Variants in TBC1D14 observed in about 807,000 individuals in gnomAD.
TBC1D14 encodes TBC1 domain family, member 14.
A neutral mutation model predicts 79.0 loss-of-function variants in TBC1D14; 26 were observed. That is an observed-to-expected ratio of 0.33 (90% confidence interval 0.24 to 0.46). TBC1D14 has a LOEUF of 0.46. Among genes scored for constraint, TBC1D14 ranks in the 20% least tolerant of loss-of-function variants. The pLI, the probability that TBC1D14 is intolerant of heterozygous loss-of-function variation, is 1.00. For synonymous variants in TBC1D14, 394 were observed against 349.9 expected (o/e 1.13, Z -1.40); for missense variants, 769 against 887.6 (o/e 0.87, Z 1.70).
At chr4:6,970,135 A>G (rs1716096876) in intron 3 of TBC1D14, among the ~76,000 whole-genome samples, 1 of 152,216 alleles carries the variant, frequency 6.6e-6, no homozygotes, top group African/African-American at 2.4e-5. Context: ...AACTCCAGTC[A>G]GGGCCGAAGC....
At chr4:6,987,012 T>C (rs929936703) in intron 3 of TBC1D14, 6 of 379,772 alleles carry the variant, frequency 1.6e-5, no homozygotes, top group African/African-American at 1.3e-4. Flanking sequence ...AGAAGCTGGC[T>C]CTCCGCCTGT....
At chr4:6,928,048 A>AT (rs143012201) in intron 2 of TBC1D14, among the ~76,000 whole-genome samples, 2,301 of 152,320 alleles carry the variant, frequency 0.015, 74 homozygotes, top group African/African-American at 0.051. Context: ...CAGGGGTTTA[A>AT]TCTCCTAATC....
intron 13 of TBC1D14, among the ~76,000 whole-genome samples, chr4:7,028,843 CTT>C (rs532832000): frequency 6.9e-6 from 1 of 145,962 alleles, no homozygotes. Flanking sequence ...CTTTTTCCTT[CTT>C]TTTTTTTTTG....
intron 3 of TBC1D14, among the ~76,000 whole-genome samples, chr4:6,992,025 CTG>C (rs1204769874): frequency 2.0e-5 from 3 of 152,152 alleles, no homozygotes; most frequent in Non-Finnish European, 4.4e-5. Flanking sequence ...GGTTTCAGGT[CTG>C]AGGGGAGAGA....
chr4:6,919,490 G>A (rs1311318971), intron 1 of TBC1D14, among the ~76,000 whole-genome samples: 1 of 151,950 alleles, frequency 6.6e-6, no homozygotes, highest in Non-Finnish European at 1.5e-5. Flanking sequence ...CTGTATTTTT[G>A]CCTTAGTGTA....
intron 2 of TBC1D14, among the ~76,000 whole-genome samples, chr4:6,932,815 T>A (rs1408870786): frequency 2.6e-5 from 4 of 152,160 alleles, no homozygotes; most frequent in Non-Finnish European, 5.9e-5. Flanking sequence ...GGAGTTGCCG[T>A]GGTGTTTTGC....
At chr4:6,972,393 C>G (rs1192715589) in intron 3 of TBC1D14, among the ~76,000 whole-genome samples, 1 of 152,202 alleles carries the variant, frequency 6.6e-6, no homozygotes. Flanking sequence ...CTGTTCTCAG[C>G]CCTCGTCTTC....
chr4:6,976,956 G>A (rs949483109), intron 3 of TBC1D14, among the ~76,000 whole-genome samples: 5 of 150,468 alleles, frequency 3.3e-5, no homozygotes, highest in Admixed American at 3.3e-4. Flanking sequence ...CTCATTTCCT[G>A]GGAAACACAA....
rs187722918 is a variant in TBC1D14 at position 7,022,856 on chromosome 4, T to C, written c.1758-2148T>C. Among the ~76,000 whole-genome samples the C allele has an allele frequency of 4.6e-5, 7 of 152,004 alleles. No individual in the cohort carries two copies. In the East Asian group the frequency reaches 1.4e-3, roughly 29 times the overall value. Reference sequence around the variant, plus strand: ...AAATAAAAAAAAGAACAAACTTTAGTTCTTTGGGCTTGGGGGGGTACATTG... The same window carrying C: ...AAATAAAAAAAAGAACAAACTTTAGCTCTTTGGGCTTGGGGGGGTACATTG... On this transcript the variant is annotated intron_variant, in intron 12 of 13. Transcript: ENST00000409757.
rs142138343 is a variant in TBC1D14 at position 6,944,677 on chromosome 4, C to T, written c.722+20566C>T. On this transcript the variant is annotated intron_variant, in intron 2 of 13. Transcript: ENST00000409757. ...GGCCTCTGGTTCCTGTAAATTGAGG[C>T]GTAGGAAAATTAGTCCTCCCCGGGT... Among the ~76,000 whole-genome samples, 72 of 152,300 alleles carry T rather than the reference C, an allele frequency of 4.7e-4. No individual in the cohort carries two copies. In the East Asian group the frequency reaches 0.012, roughly 25 times the overall value.
chr4:6,958,979 G>A (rs1714928291), intron 2 of TBC1D14, among the ~76,000 whole-genome samples: 1 of 152,074 alleles, frequency 6.6e-6, no homozygotes, highest in Non-Finnish European at 1.5e-5. Flanking sequence ...CGCCTCCCGG[G>A]TTCACGCCAT....
At chr4:7,009,977 T>C (rs1480127316) in intron 10 of TBC1D14, 29 bp downstream of exon 10, 3 of 1,611,574 alleles carry the variant, frequency 1.9e-6, no homozygotes, top group East Asian at 4.5e-5. Flanking sequence ...TATTTTATAA[T>C]GTTGTTATCT....
At chr4:6,978,590 G>T (rs1717049989) in intron 3 of TBC1D14, among the ~76,000 whole-genome samples, 1 of 148,980 alleles carries the variant, frequency 6.7e-6, no homozygotes, top group South Asian at 2.1e-4. Flanking sequence ...AGTACCCAGG[G>T]ACACAAACAC....
chr4:6,917,710 C>T (rs1004661877), intron 1 of TBC1D14, among the ~76,000 whole-genome samples: 6 of 152,098 alleles, frequency 3.9e-5, no homozygotes, highest in Non-Finnish European at 5.9e-5. Context: ...CTTTTATAAA[C>T]GTGGACTTGG....
intron 4 of TBC1D14, among the ~76,000 whole-genome samples, chr4:6,994,685 T>C (rs981142765): frequency 2.6e-5 from 4 of 151,918 alleles, no homozygotes; most frequent in Non-Finnish European, 5.9e-5. Context: ...CTGTCTCTAC[T>C]AAAAATACAA....
chr4:7,024,863 G>A, intron 12 of TBC1D14, 141 bp from the exon 13 acceptor site: 1 of 1,048,472 alleles, frequency 9.5e-7, no homozygotes, highest in Admixed American at 2.1e-5. Flanking sequence ...CCTTCAGTGT[G>A]AGTGCAGGCC....
At chr4:6,962,097 T>C (rs966374753) in intron 2 of TBC1D14, among the ~76,000 whole-genome samples, 6 of 152,166 alleles carry the variant, frequency 3.9e-5, no homozygotes, top group Admixed American at 3.9e-4. Context: ...TTTGCGGACG[T>C]TGTCAGGTCT....
rs182569501 is a variant in TBC1D14, at chr4:6,919,769, C to T, written c.-17-3604C>T. ...CTGAGTAGCTAGGATTACAGGCGTGCGCCACCATGCCCAGCTAATTTTTGT... is the reference window on the plus strand; with the variant it reads ...CTGAGTAGCTAGGATTACAGGCGTGTGCCACCATGCCCAGCTAATTTTTGT... On this transcript the variant is annotated intron_variant, in intron 1 of 13. Transcript: ENST00000409757. Among the ~76,000 whole-genome samples the T allele has an allele frequency of 2.7e-4, 41 of 152,046 alleles. No homozygotes were observed. In the East Asian group the frequency reaches 4.9e-3, roughly 18 times the overall value.
At chr4:6,945,487 G>A (rs971175372) in intron 2 of TBC1D14, among the ~76,000 whole-genome samples, 10 of 152,142 alleles carry the variant, frequency 6.6e-5, no homozygotes, top group Non-Finnish European at 1.2e-4. Flanking sequence ...GGTGGCTCAC[G>A]CCTGTAATCC....
Sources: gnomAD v4.1 joint callset for allele counts (sites outside exome capture counted in the v4.1 genomes callset) on GRCh38, gnomAD v4.1.1 for gene constraint, MANE v1.5 for transcripts, NCBI Gene and HGNC (gene_info 2026-07-23, HGNC 2026-07-21) for gene names.